Variants in UBOX5 observed in about 807,000 individuals in gnomAD.
UBOX5 encodes the protein U-box domain containing 5, also known as RING finger protein 37.
In UBOX5, 28 loss-of-function variants were observed where a neutral mutation model predicts 39.0. The ratio of observed to expected loss-of-function variants is 0.72; its 90% confidence interval spans 0.53 to 0.98. The LOEUF is 0.98. Ranked by LOEUF, UBOX5 falls within the 50% of genes least tolerant of loss-of-function variation. UBOX5 has a pLI of 0.00. For synonymous variants in UBOX5, 283 were observed against 275.5 expected, an observed-to-expected ratio of 1.03 and a Z score of -0.27; for missense variants, 585 against 674.4, an observed-to-expected ratio of 0.87 and a Z score of 1.47.
chr20:3,143,787 G>A (rs538646784), intron 1 of UBOX5, among the ~76,000 whole-genome samples: 18 of 151,686 alleles, frequency 1.2e-4, no homozygotes, highest in Middle Eastern at 3.4e-3. Flanking sequence ...GTGAGACTCC[G>A]TCTCAAAAAA....
intron 1 of UBOX5, chr20:3,148,897 G>C: frequency 6.2e-7 from 1 of 1,614,174 alleles, no homozygotes; most frequent in Non-Finnish European, 8.5e-7. Context: ...TGCTACATAT[G>C]TTCTTAACTT....
rs868458195 is a variant in UBOX5, at chr20:3,120,835, T to G, written c.1255+549A>C. On this transcript the variant is annotated intron_variant, in intron 3 of 4. Transcript: ENST00000217173. ...AAAGGAAGGCCCACAGACCTAGTCC[T>G]TTTTCCTTTTCTGTGTCCTCATGCC... Among the ~76,000 whole-genome samples, 77 of 152,256 alleles carry G rather than the reference T, an allele frequency of 5.1e-4. 2 individuals carry two copies. The highest frequency in any genetic ancestry group is 1.8e-3 in the African/African-American group (74 of 41,560).
Position 3,149,191 on chromosome 20 carries a change from G to T in UBOX5, c.-42+10575C>A. On this transcript the variant is annotated intron_variant, in intron 1 of 4. Coordinates refer to ENST00000217173, the MANE Select transcript of UBOX5 (RefSeq NM_014948.4). This position sits in a 1 kb window ranked among gnomAD's most constrained non-coding sequence, Gnocchi z 4.1. ...GACGGGGAGGTGTTCCACAAAAACT[G>T]CCTGGAAATCTTCAGCATATCACAA... 1.8e-6 allele frequency: 2 copies of T among 1,096,892 alleles called. No individual in the cohort carries two copies. Among genetic ancestry groups the T allele is most frequent in the South Asian group, 1.7e-5 (1 of 58,054 alleles). The allele number at this position is 1,096,892 out of a possible 1,614,324, so 67.9% of individuals were successfully genotyped here.
chr20:3,123,130 G>A (rs540347589), intron 2 of UBOX5, among the ~76,000 whole-genome samples, 182 bp downstream of exon 2: 1 of 152,270 alleles, frequency 6.6e-6, no homozygotes, highest in Admixed American at 6.5e-5. Flanking sequence ...CCTCACCATG[G>A]CGCTGTGTGA....
chr20:3,149,028 C>T lies in UBOX5; in HGVS notation c.-42+10738G>A, dbSNP rs749835803. On this transcript the variant is annotated intron_variant, in intron 1 of 4. Transcript: ENST00000217173. This position sits in a 1 kb window ranked among gnomAD's most constrained non-coding sequence, Gnocchi z 4.1. ...CCAAAGGCAGAAGGACTGCAAAATG[C>T]TCGGTATCTTACAAGTTTTAATGAC... The T allele has an allele frequency of 2.5e-6, 4 of 1,613,688 alleles. No homozygotes were observed. Among genetic ancestry groups the T allele is most frequent in the African/African-American group, 2.7e-5 (2 of 74,914 alleles).
At chr20:3,129,243 G>T (rs1270522998) in intron 1 of UBOX5, among the ~76,000 whole-genome samples, 1 of 152,140 alleles carries the variant, frequency 6.6e-6, no homozygotes, top group East Asian at 1.9e-4. Flanking sequence ...CATGCTCCTT[G>T]GTGCTGGTCC....
At chr20:3,130,921 G>A (rs1040412486) in intron 1 of UBOX5, among the ~76,000 whole-genome samples, 1 of 151,918 alleles carries the variant, frequency 6.6e-6, no homozygotes, top group Admixed American at 6.6e-5. Flanking sequence ...TGCCATCCTC[G>A]TTTGTGCCCA....
At chr20:3,152,100 C>CA (rs60655157) in intron 1 of UBOX5, among the ~76,000 whole-genome samples, 1,009 of 62,274 alleles carry the variant, frequency 0.016, 21 homozygotes, top group East Asian at 0.073. Context: ...GACTCTGTCT[C>CA]AAAAAAAAAA....
chr20:3,148,904 A>G, intron 1 of UBOX5: 10 of 1,614,078 alleles, frequency 6.2e-6, no homozygotes, highest in Non-Finnish European at 7.6e-6. Context: ...TATGTTCTTA[A>G]CTTTTTTGGC....
chr20:3,125,564 G>GGCA (rs2066378797), intron 1 of UBOX5, among the ~76,000 whole-genome samples: 1 of 121,422 alleles, frequency 8.2e-6, no homozygotes, highest in Non-Finnish European at 1.7e-5. Flanking sequence ...ACCTCTGCCC[G>GGCA]GCCGCCCATC....
intron 4 of UBOX5, among the ~76,000 whole-genome samples, chr20:3,114,330 G>A (rs918162363): frequency 6.6e-6 from 1 of 152,100 alleles, no homozygotes; most frequent in Non-Finnish European, 1.5e-5. Context: ...AAACTGAAGA[G>A]GGACCACCGA....
intron 1 of UBOX5, among the ~76,000 whole-genome samples, 188 bp from the exon 2 acceptor site, chr20:3,123,594 T>C (rs2066354658): frequency 6.6e-6 from 1 of 152,168 alleles, no homozygotes; most frequent in South Asian, 2.1e-4. Context: ...TGAAAAATTA[T>C]AGAGAAGACT....
intron 1 of UBOX5, among the ~76,000 whole-genome samples, chr20:3,139,599 C>CCAGCCTGGTCTTAAACTCCTGA (rs769142091): frequency 4.0e-5 from 6 of 151,374 alleles, no homozygotes; most frequent in Admixed American, 1.3e-4. Flanking sequence ...ACCATGTTTG[C>CCAGCCTGGTCTTAAACTCCTGA]CAGCCTGGTC....
chr20:3,134,468 T>C (rs180745544), intron 1 of UBOX5, among the ~76,000 whole-genome samples: 6 of 149,196 alleles, frequency 4.0e-5, no homozygotes, highest in African/African-American at 1.2e-4. Flanking sequence ...TATAATAGAA[T>C]ATATGCTTGA....
intron 1 of UBOX5, among the ~76,000 whole-genome samples, chr20:3,127,053 A>G (rs7509540): frequency 0.01 from 1,586 of 151,476 alleles, 44 homozygotes; most frequent in African/African-American, 0.036. Context: ...AAAAAAAAAA[A>G]AAAAAAAAAG....
intron 1 of UBOX5, among the ~76,000 whole-genome samples, chr20:3,138,707 C>T (rs59018495): frequency 0.024 from 3,633 of 152,266 alleles, 113 homozygotes; most frequent in African/African-American, 0.077. Context: ...AGGTTGTTGT[C>T]TGTGCTTCCT....
At chr20:3,126,615 G>T (rs2066391023) in intron 1 of UBOX5, among the ~76,000 whole-genome samples, 1 of 151,208 alleles carries the variant, frequency 6.6e-6, no homozygotes, top group Admixed American at 6.6e-5. Context: ...GAAAGAGAGG[G>T]AGGGAGGGAG....
intron 1 of UBOX5, chr20:3,148,975 A>G (rs767101686): frequency 6.2e-7 from 1 of 1,614,222 alleles, no homozygotes; most frequent in Admixed American, 1.7e-5. Flanking sequence ...TGCTGCTCAC[A>G]TTCCAGTATG....
At chr20:3,155,193 A>G (rs1216638792) in intron 1 of UBOX5, among the ~76,000 whole-genome samples, 1 of 152,158 alleles carries the variant, frequency 6.6e-6, no homozygotes, top group African/African-American at 2.4e-5. Context: ...CAGGAGTTCT[A>G]GACCAGCCTG....
Sources: allele counts gnomAD v4.1 joint callset (sites outside exome capture counted in the v4.1 genomes callset), GRCh38; gene constraint gnomAD v4.1.1; non-coding constraint Gnocchi (gnomAD v3.1); transcripts MANE v1.5; gene names NCBI Gene and HGNC (gene_info 2026-07-23, HGNC 2026-07-21).